ATRNL1: variants seen among roughly 807,000 people sequenced by gnomAD.
ATRNL1 encodes the protein attractin-like protein 1.
A neutral mutation model predicts 182.7 loss-of-function variants in ATRNL1; 95 were observed. The observed-to-expected ratio is 0.52, with a 90% CI of 0.44 to 0.62. The LOEUF is 0.62. ATRNL1 is among the 20% of genes least tolerant of loss of function. ATRNL1 has a pLI of 0.00. For synonymous variants in ATRNL1, 576 were observed against 568.3 expected, an observed-to-expected ratio of 1.01 and a Z score of -0.19; for missense variants, 1,471 against 1,679.5, an observed-to-expected ratio of 0.88 and a Z score of 2.17.
intron 27 of ATRNL1, among the ~76,000 whole-genome samples, chr10:115,742,258 A>G (rs1948160681): frequency 6.6e-6 from 1 of 152,160 alleles, no homozygotes; most frequent in South Asian, 2.1e-4. Context: ...GGGAAGAAAT[A>G]TTCAAGGGAA....
At chr10:115,358,887 G>C (rs1259886701) in intron 19 of ATRNL1, among the ~76,000 whole-genome samples, 1 of 151,556 alleles carries the variant, frequency 6.6e-6, no homozygotes, top group Non-Finnish European at 1.5e-5. Flanking sequence ...AGCCTTGACT[G>C]TTACATTAGC....
intron 26 of ATRNL1, among the ~76,000 whole-genome samples, chr10:115,613,720 G>A (rs1555019814): frequency 1.3e-5 from 2 of 151,754 alleles, no homozygotes; most frequent in African/African-American, 2.4e-5. Context: ...ATATGTTTGG[G>A]TTTTCTATTT....
chr10:115,438,367 A>G (rs1846506960), intron 21 of ATRNL1, among the ~76,000 whole-genome samples: 1 of 151,986 alleles, frequency 6.6e-6, no homozygotes, highest in African/African-American at 2.4e-5. Flanking sequence ...TTGCAAGAGT[A>G]AAGCAAATCT....
At position 115,149,543 on chromosome 10, in the gene ATRNL1, G is replaced by A. The variant is rs577623805; in HGVS notation, c.830-10497G>A. Among the ~76,000 whole-genome samples the A allele has an allele frequency of 1.1e-4, 16 of 151,958 alleles. No individual in the cohort carries two copies. In the East Asian group the frequency reaches 2.9e-3, roughly 28 times the overall value. ...GCTTAGTTTGTTGAGAGTTTTTATC[G>A]TGAAGGGATGTTGAACTTTATCAAA... On this transcript the variant is annotated intron_variant, in intron 5 of 28. Transcript: ENST00000355044.
intron 22 of ATRNL1, 30 bp downstream of exon 22, chr10:115,462,065 T>C: frequency 6.7e-7 from 1 of 1,502,954 alleles, no homozygotes; most frequent in South Asian, 1.2e-5. Context: ...TTTTAAAGTA[T>C]AATTATTGGA....
chr10:115,306,708 A>G (rs141077583), intron 17 of ATRNL1, among the ~76,000 whole-genome samples: 1,787 of 152,196 alleles, frequency 0.012, 33 homozygotes, highest in African/African-American at 0.04. Flanking sequence ...ACTTCTAGAT[A>G]TATCTTAATA....
intron 28 of ATRNL1, among the ~76,000 whole-genome samples, chr10:115,886,225 A>G (rs1951941300): frequency 6.6e-6 from 1 of 152,218 alleles, no homozygotes; most frequent in African/African-American, 2.4e-5. Flanking sequence ...ATCAAACTCA[A>G]AACTAAAAAA....
chr10:115,387,144 T>C (rs1858408138), intron 19 of ATRNL1, among the ~76,000 whole-genome samples: 1 of 151,892 alleles, frequency 6.6e-6, no homozygotes, highest in Non-Finnish European at 1.5e-5. Flanking sequence ...ATGGATGAAA[T>C]TGGAAATCAT....
intron 27 of ATRNL1, among the ~76,000 whole-genome samples, chr10:115,825,026 G>A (rs1366754958): frequency 2.0e-5 from 3 of 152,156 alleles, no homozygotes; most frequent in African/African-American, 7.2e-5. Context: ...TAAAGAAAAT[G>A]TGGCACATAT....
intron 1 of ATRNL1, among the ~76,000 whole-genome samples, chr10:115,119,850 C>T (rs542655983): frequency 3.3e-5 from 5 of 152,166 alleles, no homozygotes; most frequent in African/African-American, 9.6e-5. Context: ...TCTGCCTCAA[C>T]CTAATTTTTG....
At chr10:115,505,169 A>G (rs1332863925) in intron 24 of ATRNL1, among the ~76,000 whole-genome samples, 1 of 152,066 alleles carries the variant, frequency 6.6e-6, no homozygotes, top group African/African-American at 2.4e-5. Context: ...AAGGAGACCA[A>G]TTTTATTTAG....
intron 9 of ATRNL1, among the ~76,000 whole-genome samples, chr10:115,222,600 A>AGACT (rs369686482): frequency 0.012 from 1,789 of 152,338 alleles, 35 homozygotes; most frequent in African/African-American, 0.04. Context: ...AAAAGCATGA[A>AGACT]GACAATTAAT....
intron 21 of ATRNL1, among the ~76,000 whole-genome samples, chr10:115,441,314 A>G (rs1263257754): frequency 6.6e-6 from 1 of 151,896 alleles, no homozygotes; most frequent in African/African-American, 2.4e-5. Context: ...ATTTTCTTTC[A>G]GATCAACCCT....
intron 1 of ATRNL1, among the ~76,000 whole-genome samples, chr10:115,098,415 ACTGATCATC>A (rs1428051035): frequency 7.6e-6 from 1 of 131,198 alleles, no homozygotes; most frequent in African/African-American, 3.0e-5. Context: ...TTGGGTGATT[ACTGATCATC>A]CTTCTAATCT....
At chr10:115,340,358 G>A (rs113694040) in intron 19 of ATRNL1, among the ~76,000 whole-genome samples, 2,150 of 152,034 alleles carry the variant, frequency 0.014, 18 homozygotes, top group South Asian at 0.033. Flanking sequence ...AGCCAGGATG[G>A]TCTAGATCTC....
chr10:115,915,168 C>T (rs1228123038), intron 28 of ATRNL1, among the ~76,000 whole-genome samples: 1 of 152,116 alleles, frequency 6.6e-6, no homozygotes. Context: ...GAGGCCGAGG[C>T]AGGCGGATCA....
intron 27 of ATRNL1, among the ~76,000 whole-genome samples, chr10:115,767,622 G>A (rs1160761112): frequency 6.6e-6 from 1 of 151,982 alleles, no homozygotes; most frequent in African/African-American, 2.4e-5. Context: ...CTATGCTTTT[G>A]TTCATCATGT....
At chr10:115,255,394 T>C (rs1851076969) in intron 10 of ATRNL1, among the ~76,000 whole-genome samples, 1 of 152,138 alleles carries the variant, frequency 6.6e-6, no homozygotes, top group African/African-American at 2.4e-5. Context: ...ATTCTCTTTG[T>C]GGCAATGGCG....
At chr10:115,829,405 T>C (rs1271903065) in intron 27 of ATRNL1, among the ~76,000 whole-genome samples, 1 of 151,994 alleles carries the variant, frequency 6.6e-6, no homozygotes, top group Non-Finnish European at 1.5e-5. Context: ...AAAAACAACT[T>C]TTTAGGAAGG....
Sources: allele counts gnomAD v4.1 joint callset (sites outside exome capture counted in the v4.1 genomes callset), GRCh38; gene constraint gnomAD v4.1.1; transcripts MANE v1.5; gene names NCBI Gene and HGNC (gene_info 2026-07-23, HGNC 2026-07-21).